GARS1: variants seen among roughly 807,000 people sequenced by gnomAD.
The protein encoded by GARS1 is glycine--tRNA ligase.
In GARS1, 46 loss-of-function variants were observed where a neutral mutation model predicts 86.4. That is an observed-to-expected ratio of 0.53 (90% CI 0.42 to 0.68). The LOEUF (loss-of-function observed/expected upper bound fraction) is 0.68, where lower values mean the gene tolerates loss of function less well. Ranked by LOEUF, GARS1 falls within the 30% of genes least tolerant of loss-of-function variation. The probability of loss-of-function intolerance (pLI) is 0.00; values close to 1 mark genes in which losing one functional copy is unlikely to be tolerated. For missense variants in GARS1, 797 were observed against 915.6 expected (o/e 0.87, Z 1.67); for synonymous variants, 342 against 329.8 (o/e 1.04, Z -0.40).
chr7:30,624,638 G>A (rs1783090479), intron 12 of GARS1, among the ~76,000 whole-genome samples: 1 of 152,010 alleles, frequency 6.6e-6, no homozygotes, highest in Admixed American at 6.6e-5. Flanking sequence ...CAAAAAAGGG[G>A]TGTAACTAAT....
intron 1 of GARS1, among the ~76,000 whole-genome samples, 170 bp from the exon 2 acceptor site, chr7:30,598,626 T>C (rs1359801955): frequency 6.6e-6 from 1 of 152,130 alleles, no homozygotes; most frequent in Non-Finnish European, 1.5e-5. Flanking sequence ...TGATCTCAGA[T>C]GGTGAGGAGG....
chr7:30,599,916 ACT>A, intron 2 of GARS1, 29 bp from the exon 3 acceptor site: 1 of 1,287,094 alleles, frequency 7.8e-7, no homozygotes, highest in Non-Finnish European at 1.1e-6. Context: ...CCACCCCTCC[ACT>A]CACTCACTTT....
rs1036797519 is a variant in GARS1 at position 30,632,800 on chromosome 7, C to T, written c.2094+363C>T. ...TTTTAATGTTTTATTTTTACAGACG[C>T]GTATACATGTGTATGTATAAGCTTT... On this transcript the variant is annotated intron_variant, in intron 16 of 16. Coordinates refer to ENST00000389266, the MANE Select transcript of GARS1 (RefSeq NM_002047.4). The surrounding 1 kb of genome is among the most constrained non-coding windows in gnomAD (Gnocchi z 4.1). Among the ~76,000 whole-genome samples, 3 of 152,128 alleles carry T rather than the reference C, an allele frequency of 2.0e-5. No homozygotes were observed. The highest frequency in any genetic ancestry group is 2.9e-5 in the Non-Finnish European group (2 of 68,028).
chr7:30,619,290 C>T (rs1014577285), intron 10 of GARS1, among the ~76,000 whole-genome samples: 4 of 152,260 alleles, frequency 2.6e-5, no homozygotes, highest in African/African-American at 9.6e-5. Context: ...CACTGGAAAA[C>T]AGGGCTAAAT....
chr7:30,631,542 G>T lies in GARS1; in HGVS notation c.1903+1G>T. On this transcript the variant is annotated splice_donor_variant, in intron 15 of 16. Transcript: ENST00000389266. LOFTEE classifies it high-confidence loss of function. The stretch of plus-strand genomic sequence containing the variant: ...TTCATGCCATTTGTCAAGGAATTAT[G>T]TAAGCAAATTCAATTGGGTAAACTC... 2.5e-6 allele frequency: 4 copies of T among 1,604,840 alleles called. No individual in the cohort carries two copies. The highest frequency in any genetic ancestry group is 3.4e-6 in the Non-Finnish European group (4 of 1,171,766).
In GARS1 at chr7:30,622,477, GT is replaced by G; in HGVS notation, c.1613+18del. The G allele has an allele frequency of 6.2e-7, 1 of 1,613,810 alleles. No individual in the cohort carries two copies. The highest frequency in any genetic ancestry group is 8.5e-7 in the Non-Finnish European group (1 of 1,179,764). On this transcript the variant is annotated intron_variant, in intron 12 of 16. Transcript: ENST00000389266. ...AATGAGAAAGGGTAAGATATCAGAT[GT>G]TTACTCTTCCATGGGCTCCAGTCAG... is the stretch of plus-strand genomic sequence containing the variant.
chr7:30,606,095 G>A (rs1292383622), intron 6 of GARS1, among the ~76,000 whole-genome samples: 1 of 152,030 alleles, frequency 6.6e-6, no homozygotes, highest in Non-Finnish European at 1.5e-5. Context: ...TTGTAGTGAG[G>A]TTACACATGT....
intron 13 of GARS1, 77 bp from the exon 14 acceptor site, chr7:30,628,483 T>C: frequency 9.1e-7 from 1 of 1,103,476 alleles, no homozygotes; most frequent in Non-Finnish European, 1.4e-6. Flanking sequence ...CCGCAGCTGG[T>C]GAATTGTTTA....
chr7:30,603,248 A>G, intron 5 of GARS1, 126 bp downstream of exon 5: 3 of 806,212 alleles, frequency 3.7e-6, no homozygotes, highest in Non-Finnish European at 6.2e-6. Flanking sequence ...ACAGATCTTA[A>G]GTATATAGAT....
intron 7 of GARS1, among the ~76,000 whole-genome samples, chr7:30,611,542 T>C (rs573866350): frequency 1.5e-4 from 23 of 152,322 alleles, no homozygotes; most frequent in Non-Finnish European, 2.6e-4. Flanking sequence ...TGGAGTGCAA[T>C]GGCGTGATCT....
intron 9 of GARS1, 97 bp from the exon 10 acceptor site, chr7:30,617,017 C>G: frequency 8.3e-7 from 1 of 1,203,028 alleles, no homozygotes; most frequent in East Asian, 2.3e-5. Flanking sequence ...AAATATTTTT[C>G]AGTAGAGTGA....
chr7:30,617,374 C>G, intron 10 of GARS1, 96 bp downstream of exon 10: 3 of 1,383,576 alleles, frequency 2.2e-6, no homozygotes, highest in Non-Finnish European at 3.0e-6. Context: ...CACAGAGGAA[C>G]AAAGGGAAAA....
chr7:30,633,606 A>G, intron 16 of GARS1, 129 bp from the exon 17 acceptor site: 1 of 1,119,904 alleles, frequency 8.9e-7, no homozygotes. Flanking sequence ...TTGGGCTAGA[A>G]GAGCATGAAC....
Position 30,632,408 on chromosome 7 carries a change from CG to C in GARS1, c.2066del (p.Arg689LeufsTer7), listed in dbSNP as rs763293029. 1.2e-6 allele frequency: 2 copies of C among 1,614,014 alleles called. No homozygotes were observed. The highest frequency in any genetic ancestry group is 2.2e-5 in the East Asian group (1 of 44,890). On this transcript the variant is annotated frameshift_variant, in exon 16 of 17. Coordinates refer to ENST00000389266, the MANE Select transcript of GARS1 (RefSeq NM_002047.4). LOFTEE classifies it high-confidence loss of function. This position sits in a 1 kb window ranked among gnomAD's most constrained non-coding sequence, Gnocchi z 4.1. ...CCCCCACACTGCAACTCTGAGGGAC[CG>C]TGACTCAATGCGGCAGATAAGAGCA... ...KTPHTATLRD[R>X]DSMRQIRAEI...
chr7:30,595,755 C>G lies in GARS1; in HGVS notation c.222+612C>G, dbSNP rs1308947786. On this transcript the variant is annotated intron_variant, in intron 1 of 16. Transcript: ENST00000389266. ...TTGAAATGTGGATGTGGGGAGGTGT[C>G]GAACTTTTCTATTAATGCTGTGAAC... 5 of 471,032 alleles carry G rather than the reference C, an allele frequency of 1.1e-5. No individual in the cohort carries two copies. In the East Asian group the frequency reaches 2.1e-4, roughly 20 times the overall value. 29.2% of individuals were successfully genotyped at this position (471,032 alleles called of 1,614,324 possible). A position where few individuals can be genotyped will look rare whatever the true frequency, so the allele number is the denominator to read the frequency against.
rs374616031 is a variant in GARS1 at position 30,598,844 on chromosome 7, G to A, written c.271G>A (p.Val91Ile). 1.2e-5 allele frequency: 20 copies of A among 1,614,060 alleles called. No homozygotes were observed. The highest frequency in any genetic ancestry group is 1.7e-5 in the Non-Finnish European group (20 of 1,180,030). ...AGAAGATAAAGCACCCCAAGTAGAC[G>A]TAGACAAAGCAGTGGCTGAGCTCAA... is the stretch of plus-strand genomic sequence containing the variant. ...LKEDKAPQVD[V>I]DKAVAELKAR... Residue 91 changes from valine (V) to isoleucine (I), a missense_variant, in exon 2 of 17, where the codon GTA becomes ATA. Val to Ile is a conservative substitution (Grantham distance 29). This residue lies in a region of GARS1 where 199 missense variants were observed against 176.9 expected (regional missense o/e 1.12). Coordinates refer to ENST00000389266, the MANE Select transcript of GARS1 (RefSeq NM_002047.4).
chr7:30,614,720 CA>C, intron 8 of GARS1, among the ~76,000 whole-genome samples: 1 of 151,774 alleles, frequency 6.6e-6, no homozygotes, highest in Middle Eastern at 3.4e-3. Flanking sequence ...ACTAAAAATA[CA>C]AAAAATTAGC....
At chr7:30,598,004 GA>G (rs1295504434) in intron 1 of GARS1, among the ~76,000 whole-genome samples, 1 of 152,140 alleles carries the variant, frequency 6.6e-6, no homozygotes, top group Non-Finnish European at 1.5e-5. Flanking sequence ...TATTAGCAAG[GA>G]AAAAATTCCA....
chr7:30,624,028 C>G (rs1783073161), intron 12 of GARS1, among the ~76,000 whole-genome samples: 1 of 152,218 alleles, frequency 6.6e-6, no homozygotes, highest in African/African-American at 2.4e-5. Context: ...GGCCTGCAGG[C>G]TGCATGTGGC....
Sources: allele counts gnomAD v4.1 joint callset (sites outside exome capture counted in the v4.1 genomes callset), GRCh38; gene constraint gnomAD v4.1.1; regional missense constraint gnomAD v4.1.1; non-coding constraint Gnocchi (gnomAD v3.1); transcripts MANE v1.5; gene names NCBI Gene and HGNC (gene_info 2026-07-23, HGNC 2026-07-21).